Variants in CDH18 observed in about 807,000 individuals in gnomAD.
CDH18 encodes cadherin-18.
In CDH18, 31 loss-of-function variants were observed where a neutral mutation model predicts 67.9. The ratio of observed to expected loss-of-function variants is 0.46; its 90% confidence interval spans 0.34 to 0.62. The LOEUF (loss-of-function observed/expected upper bound fraction) is 0.62, where lower values mean the gene tolerates loss of function less well. Ranked by LOEUF, CDH18 falls within the 20% of genes least tolerant of loss-of-function variation. The pLI is 0.01. For synonymous variants in CDH18, 362 were observed against 347.2 expected (o/e 1.04, Z -0.48); for missense variants, 890 against 975.5 (o/e 0.91, Z 1.17).
chr5:20,541,616 A>G (rs1263187049), intron 1 of CDH18, among the ~76,000 whole-genome samples: 1 of 152,202 alleles, frequency 6.6e-6, no homozygotes, highest in Non-Finnish European at 1.5e-5. Context: ...GAAGGGAGGT[A>G]TTTAATCAGG....
intron 1 of CDH18, among the ~76,000 whole-genome samples, chr5:20,299,448 A>G (rs1747789571): frequency 6.8e-6 from 1 of 146,212 alleles, no homozygotes; most frequent in Non-Finnish European, 1.5e-5. Flanking sequence ...ACACACACAC[A>G]CAAAATGAGT....
chr5:19,781,488 A>T (rs1775105720), intron 3 of CDH18, among the ~76,000 whole-genome samples: 1 of 152,146 alleles, frequency 6.6e-6, no homozygotes, highest in South Asian at 2.1e-4. Context: ...AGCAGGTGTA[A>T]GCAGTATTGA....
chr5:19,668,970 C>A (rs548649461), intron 5 of CDH18, among the ~76,000 whole-genome samples: 11 of 151,182 alleles, frequency 7.3e-5, no homozygotes, highest in African/African-American at 1.9e-4. Context: ...AAATATGGTT[C>A]TTTTCCCACT....
chr5:20,554,336 A>G (rs1402154657), intron 1 of CDH18, among the ~76,000 whole-genome samples: 1 of 152,204 alleles, frequency 6.6e-6, no homozygotes, highest in Admixed American at 6.5e-5. Context: ...TTCACATACT[A>G]AAGGTCAATC....
chr5:20,455,460 T>C (rs1750772201), intron 1 of CDH18, among the ~76,000 whole-genome samples: 1 of 151,988 alleles, frequency 6.6e-6, no homozygotes, highest in Non-Finnish European at 1.5e-5. Context: ...CAGGACAACA[T>C]GAAAAGTGAT....
At chr5:19,788,208 C>T (rs116431593) in intron 3 of CDH18, among the ~76,000 whole-genome samples, 75 of 152,152 alleles carry the variant, frequency 4.9e-4, no homozygotes, top group African/African-American at 1.8e-3. Context: ...GGTAATTAAG[C>T]AATTACAGTA....
chr5:19,917,496 T>C (rs1373176491), intron 2 of CDH18, among the ~76,000 whole-genome samples: 2 of 152,170 alleles, frequency 1.3e-5, no homozygotes, highest in Non-Finnish European at 2.9e-5. Context: ...AAACACTGTA[T>C]ATTAAGAGTA....
intron 1 of CDH18, among the ~76,000 whole-genome samples, chr5:20,561,240 G>A (rs980756852): frequency 2.6e-5 from 4 of 152,072 alleles, no homozygotes; most frequent in Admixed American, 6.6e-5. Flanking sequence ...GCAATCTAGA[G>A]TCATGTTCTT....
At chr5:19,906,620 C>T (rs1275938355) in intron 2 of CDH18, among the ~76,000 whole-genome samples, 1 of 151,900 alleles carries the variant, frequency 6.6e-6, no homozygotes, top group Non-Finnish European at 1.5e-5. Context: ...GTCTTTTGTA[C>T]AAGATGGTTT....
intron 1 of CDH18, among the ~76,000 whole-genome samples, chr5:20,364,395 A>G (rs1457030304): frequency 6.6e-6 from 1 of 152,190 alleles, no homozygotes; most frequent in East Asian, 1.9e-4. Context: ...ATCTCAGGAG[A>G]TATACTTTAT....
intron 2 of CDH18, among the ~76,000 whole-genome samples, chr5:20,048,620 C>G (rs1462304959): frequency 6.6e-6 from 1 of 151,618 alleles, no homozygotes; most frequent in Non-Finnish European, 1.5e-5. Flanking sequence ...GAGCTAGGAT[C>G]TGAACTTCTG....
chr5:20,227,333 G>A (rs2126481945), intron 2 of CDH18, among the ~76,000 whole-genome samples: 1 of 152,154 alleles, frequency 6.6e-6, no homozygotes, highest in South Asian at 2.1e-4. Flanking sequence ...AGAGCTTCCT[G>A]TTTAATTGTT....
At chr5:20,520,955 G>A (rs1319963694) in intron 1 of CDH18, among the ~76,000 whole-genome samples, 3 of 152,200 alleles carry the variant, frequency 2.0e-5, no homozygotes, top group African/African-American at 7.2e-5. Context: ...CAGCTAAAAG[G>A]TGAGCAGTAG....
At chr5:19,939,670 A>C (rs1422039682) in intron 2 of CDH18, among the ~76,000 whole-genome samples, 1 of 151,952 alleles carries the variant, frequency 6.6e-6, no homozygotes, top group East Asian at 1.9e-4. Context: ...TAGACTCAAG[A>C]TATTTTCTTT....
intron 1 of CDH18, among the ~76,000 whole-genome samples, chr5:20,389,071 C>T (rs1744583918): frequency 6.6e-6 from 1 of 152,056 alleles, no homozygotes; most frequent in African/African-American, 2.4e-5. Flanking sequence ...ATTAGGTCTG[C>T]TTGGTACAGA....
intron 5 of CDH18, among the ~76,000 whole-genome samples, chr5:19,650,575 T>G (rs1168560711): frequency 6.6e-6 from 1 of 152,070 alleles, no homozygotes; most frequent in African/African-American, 2.4e-5. Flanking sequence ...TGGAAAAATC[T>G]GTTGGATTTC....
chr5:19,813,057 G>A (rs376300148), intron 3 of CDH18, among the ~76,000 whole-genome samples: 11 of 152,076 alleles, frequency 7.2e-5, no homozygotes, highest in East Asian at 5.8e-4. Context: ...ACCAAACACC[G>A]CATGTTCCCA....
chr5:19,874,243 T>C (rs112279711), intron 2 of CDH18, among the ~76,000 whole-genome samples: 11 of 152,206 alleles, frequency 7.2e-5, no homozygotes, highest in Non-Finnish European at 1.3e-4. Flanking sequence ...GGGAAATGCA[T>C]TATCAATTCA....
At chr5:20,222,553 A>G (rs1741312795) in intron 2 of CDH18, among the ~76,000 whole-genome samples, 1 of 151,918 alleles carries the variant, frequency 6.6e-6, no homozygotes, top group Non-Finnish European at 1.5e-5. Flanking sequence ...TTTTTTCTTT[A>G]GCTGGAACAT....
Sources: allele counts gnomAD v4.1 joint callset (sites outside exome capture counted in the v4.1 genomes callset), GRCh38; gene constraint gnomAD v4.1.1; transcripts MANE v1.5; gene names NCBI Gene and HGNC (gene_info 2026-07-23, HGNC 2026-07-21).